DRD3: variants seen among roughly 807,000 people sequenced by gnomAD.
DRD3 encodes the protein dopamine receptor D3.
DRD3 carries 19 observed loss-of-function variants against 36.3 expected under a neutral mutation model. The observed-to-expected ratio is 0.52, with a 90% CI of 0.36 to 0.77. The LOEUF (loss-of-function observed/expected upper bound fraction) is 0.77. DRD3 is among the 30% of genes least tolerant of loss of function. The pLI, the probability that DRD3 is intolerant of heterozygous loss-of-function variation, is 0.00. For missense variants in DRD3, 465 were observed against 505.3 expected (o/e 0.92, Z 0.77); for synonymous variants, 195 against 203.7 (o/e 0.96, Z 0.36).
At chr3:114,160,482 C>G (rs1314228247) in intron 2 of DRD3, among the ~76,000 whole-genome samples, 2 of 152,168 alleles carry the variant, frequency 1.3e-5, no homozygotes, top group African/African-American at 4.8e-5. Context: ...AATTCAAACT[C>G]AGGAGGCAAC....
In DRD3 at chr3:114,186,145, GT is replaced by G. The variant is rs548013460; in HGVS notation, c.-155-7370del. Among the ~76,000 whole-genome samples, 19 of 152,212 alleles carry G rather than the reference GT, an allele frequency of 1.2e-4. No homozygotes were observed. In the East Asian group the frequency reaches 3.7e-3, roughly 29 times the overall value. ...TTCTAATTTTCCCTGTATATGCATTGTTTTTTAATGTCCTAGTCTTTAATGT... is the reference window on the plus strand; with the variant it reads ...TTCTAATTTTCCCTGTATATGCATTGTTTTTAATGTCCTAGTCTTTAATGT... On this transcript the variant is annotated intron_variant, in intron 1 of 7. Coordinates refer to the DRD3 transcript ENST00000460779.
chr3:114,185,267 T>C (rs567177727), intron 1 of DRD3, among the ~76,000 whole-genome samples: 21 of 152,326 alleles, frequency 1.4e-4, no homozygotes, highest in Admixed American at 1.0e-3. Context: ...GTGTCTCCTA[T>C]GTCTTTTAGG....
At chr3:114,138,493 C>T (rs910542248) in intron 5 of DRD3, among the ~76,000 whole-genome samples, 10 of 152,222 alleles carry the variant, frequency 6.6e-5, no homozygotes, top group South Asian at 2.1e-4. Context: ...CATCAGATCT[C>T]GTGAGACTTA....
At chr3:114,191,231 C>T (rs143455106) in intron 1 of DRD3, among the ~76,000 whole-genome samples, 1 of 152,260 alleles carries the variant, frequency 6.6e-6, no homozygotes, top group African/African-American at 2.4e-5. Flanking sequence ...TAATGGTGAA[C>T]ATTATGCAGA....
At chr3:114,134,336 GA>G (rs1489042097) in intron 5 of DRD3, among the ~76,000 whole-genome samples, 1 of 152,088 alleles carries the variant, frequency 6.6e-6, no homozygotes. Context: ...GGGCTCAAGT[GA>G]TCCTCCTGTC....
intron 1 of DRD3, among the ~76,000 whole-genome samples, chr3:114,198,355 T>G (rs2078048071): frequency 6.6e-6 from 1 of 151,946 alleles, no homozygotes; most frequent in Admixed American, 6.6e-5. Context: ...TCACCTGGTC[T>G]CGAAGTCCTG....
intron 5 of DRD3, among the ~76,000 whole-genome samples, chr3:114,137,990 T>G (rs1246743639): frequency 3.1e-4 from 27 of 85,838 alleles, no homozygotes. Context: ...AGAGCGAGAC[T>G]CCGTCTCAAA....
At chr3:114,190,790 A>T (rs2078007140) in intron 1 of DRD3, among the ~76,000 whole-genome samples, 1 of 152,050 alleles carries the variant, frequency 6.6e-6, no homozygotes, top group Non-Finnish European at 1.5e-5. Context: ...GTTAAGAAGC[A>T]AGGAAAGAGT....
In DRD3 at chr3:114,128,651, T is replaced by C. The variant is rs1289874554; in HGVS notation, c.*65A>G. On this transcript the variant is annotated 3_prime_UTR_variant, in exon 7 of 7. Coordinates refer to ENST00000383673, the MANE Select transcript of DRD3 (RefSeq NM_000796.6). ...CATGCCGGAGGACACTGCACAGTCT[T>C]TCTGAGTGGGCCAACAGCCTGGCAG... The C allele has an allele frequency of 6.7e-7, 1 of 1,485,740 alleles. No homozygotes were observed. Among genetic ancestry groups the C allele is most frequent in the East Asian group, 2.3e-5 (1 of 43,020 alleles). The allele number at this position is 1,485,740 out of a possible 1,614,324, so 92.0% of individuals were successfully genotyped here. A position where few individuals can be genotyped will look rare whatever the true frequency, so the allele number is the denominator to read the frequency against.
At chr3:114,148,609 C>T (rs934889833) in intron 3 of DRD3, among the ~76,000 whole-genome samples, 7 of 152,146 alleles carry the variant, frequency 4.6e-5, no homozygotes, top group African/African-American at 1.4e-4. Flanking sequence ...CTCCCCAAAC[C>T]TCTCAATCTG....
At chr3:114,151,804 C>T (rs1039118601) in intron 3 of DRD3, among the ~76,000 whole-genome samples, 6 of 152,328 alleles carry the variant, frequency 3.9e-5, no homozygotes, top group Admixed American at 3.9e-4. Context: ...CTCCTGAGTG[C>T]CCTCCTCCCT....
At chr3:114,168,834 C>A (rs1172059057) in intron 2 of DRD3, among the ~76,000 whole-genome samples, 2 of 152,244 alleles carry the variant, frequency 1.3e-5, no homozygotes, top group African/African-American at 4.8e-5. Context: ...CCAAAACATT[C>A]CTACCTCATA....
At chr3:114,186,234 T>A (rs1236499329) in intron 1 of DRD3, among the ~76,000 whole-genome samples, 2 of 152,244 alleles carry the variant, frequency 1.3e-5, no homozygotes, top group Non-Finnish European at 2.9e-5. Flanking sequence ...GAAGCGATTC[T>A]CCTGCCTCAG....
intron 5 of DRD3, among the ~76,000 whole-genome samples, chr3:114,133,369 A>G (rs2077447463): frequency 6.6e-6 from 1 of 152,194 alleles, no homozygotes; most frequent in African/African-American, 2.4e-5. Flanking sequence ...CTTCATAGCA[A>G]TCCAGTGGGG....
At chr3:114,162,359 A>G (rs1313073610) in intron 2 of DRD3, among the ~76,000 whole-genome samples, 1 of 152,216 alleles carries the variant, frequency 6.6e-6, no homozygotes, top group Non-Finnish European at 1.5e-5. Context: ...CTTTTTGAAG[A>G]CAAGTTATAC....
At chr3:114,159,674 C>CCCAGTA in intron 3 of DRD3, 81 bp downstream of exon 3, 1 of 1,124,554 alleles carries the variant, frequency 8.9e-7, no homozygotes, top group South Asian at 1.3e-5. Flanking sequence ...TGGAGGTGAC[C>CCCAGTA]CCAGTACCCT....
At chr3:114,143,600 A>G (rs2077546029) in intron 4 of DRD3, among the ~76,000 whole-genome samples, 1 of 152,210 alleles carries the variant, frequency 6.6e-6, no homozygotes, top group South Asian at 2.1e-4. Flanking sequence ...TGCGGTGCCA[A>G]TGAATCTGAT....
chr3:114,162,800 G>A (rs1231147463), intron 2 of DRD3, among the ~76,000 whole-genome samples: 1 of 152,182 alleles, frequency 6.6e-6, no homozygotes. Context: ...AGGGATGGAA[G>A]TGGGTAGATA....
chr3:114,170,779 A>G (rs1306748357), intron 2 of DRD3, among the ~76,000 whole-genome samples: 1 of 152,222 alleles, frequency 6.6e-6, no homozygotes, highest in Non-Finnish European at 1.5e-5. Context: ...AATTTGATGA[A>G]TCTTAATTTC....
Sources: gnomAD v4.1 joint callset for allele counts (sites outside exome capture counted in the v4.1 genomes callset) on GRCh38, gnomAD v4.1.1 for gene constraint, MANE v1.5 for transcripts, NCBI Gene and HGNC (gene_info 2026-07-23, HGNC 2026-07-21) for gene names.